Variants in RFFL observed in about 807,000 individuals in gnomAD.
The protein encoded by RFFL is E3 ubiquitin-protein ligase rififylin.
RFFL carries 16 observed loss-of-function variants against 40.4 expected under a neutral mutation model. The ratio of observed to expected loss-of-function variants is 0.40; its 90% CI spans 0.27 to 0.60. The LOEUF is 0.60. Among genes scored for constraint, RFFL ranks in the 20% least tolerant of loss-of-function variants. The pLI is 0.47. For missense variants in RFFL, 367 were observed against 451.7 expected, an observed-to-expected ratio of 0.81 and a Z score of 1.70; for synonymous variants, 154 against 167.9, an observed-to-expected ratio of 0.92 and a Z score of 0.64.
At chr17:35,034,773 G>A (rs2091109604) in intron 1 of RFFL, among the ~76,000 whole-genome samples, 1 of 152,034 alleles carries the variant, frequency 6.6e-6, no homozygotes, top group South Asian at 2.1e-4. Flanking sequence ...TGATCCACCT[G>A]CCTTGGCCTC....
At chr17:35,017,049 C>T (rs901988769) in intron 4 of RFFL, among the ~76,000 whole-genome samples, 20 of 151,980 alleles carry the variant, frequency 1.3e-4, no homozygotes, top group African/African-American at 4.6e-4. Context: ...GGCCCTTCTC[C>T]CCTGGAGACT....
chr17:35,027,152 T>C (rs906691705), intron 1 of RFFL, among the ~76,000 whole-genome samples: 2 of 152,330 alleles, frequency 1.3e-5, no homozygotes, highest in East Asian at 3.9e-4. Flanking sequence ...CTTTTCCCTA[T>C]ACTATGTTGT....
At chr17:35,016,278 G>T in intron 5 of RFFL, 92 bp downstream of exon 5, 1 of 1,114,168 alleles carries the variant, frequency 9.0e-7, no homozygotes, top group East Asian at 2.4e-5. Context: ...TGGCTTAAGT[G>T]TGGAAATTGA....
At chr17:35,079,522 G>T (rs578095684) in intron 1 of RFFL, among the ~76,000 whole-genome samples, 2 of 152,184 alleles carry the variant, frequency 1.3e-5, no homozygotes, top group East Asian at 1.9e-4. Context: ...GCTGTGGTGA[G>T]GATTTTATCA....
Position 35,021,755 on chromosome 17 carries a change from A to C in RFFL, c.207T>G (p.Asn69Lys). The stretch of plus-strand genomic sequence containing the variant: ...CTTGGCTCGAACAGGTCATGCAAAA[A>C]TTTTTCTTACAGTCCAAGCAGGTCT... ...RKQTCLDCKKNFCMTCSSQVG... is the reference protein window; with the variant it reads ...RKQTCLDCKKKFCMTCSSQVG... Residue 69 changes from asparagine to lysine, a missense_variant, in exon 3 of 7, where the codon AAT becomes AAG. Transcript: ENST00000394597. The C allele has an allele frequency of 6.2e-7, 1 of 1,614,114 alleles. No homozygotes were observed.
rs568851030 is a variant in RFFL, at chr17:35,059,322, C to T, written c.-9+4254G>A. On this transcript the variant is annotated intron_variant, in intron 1 of 6. Coordinates refer to ENST00000394597, the MANE Select transcript of RFFL (RefSeq NM_001017368.2). ...GCATGAGCCACTGCGCTCGGCCACT[C>T]GATATAGGTTTATAAGTGATGAGAG... is the stretch of plus-strand genomic sequence containing the variant. Among the ~76,000 whole-genome samples the T allele has an allele frequency of 5.9e-5, 9 of 152,030 alleles. No individual in the cohort carries two copies. In the South Asian group the frequency reaches 1.5e-3, roughly 25 times the overall value.
chr17:35,049,163 A>C (rs2091217493), intron 1 of RFFL, among the ~76,000 whole-genome samples: 1 of 152,220 alleles, frequency 6.6e-6, no homozygotes, highest in African/African-American at 2.4e-5. Flanking sequence ...GATAGCAGAA[A>C]GGCATGTTGT....
At chr17:35,085,773 G>A (rs2091426385) in intron 1 of RFFL, among the ~76,000 whole-genome samples, 1 of 152,166 alleles carries the variant, frequency 6.6e-6, no homozygotes. Context: ...TTAAAAACAT[G>A]CAGGACTCTT....
At chr17:35,017,672 T>C in intron 3 of RFFL, 66 bp from the exon 4 acceptor site, 3 of 1,057,014 alleles carry the variant, frequency 2.8e-6, no homozygotes, top group Non-Finnish European at 4.3e-6. Flanking sequence ...CATGGGCCTC[T>C]TTTCAACTCA....
chr17:35,087,278 G>C (rs1282848415), intron 1 of RFFL, among the ~76,000 whole-genome samples: 1 of 151,976 alleles, frequency 6.6e-6, no homozygotes. Flanking sequence ...CTAAGCCTAG[G>C]AGGTCAAGGC....
intron 5 of RFFL, among the ~76,000 whole-genome samples, 194 bp downstream of exon 5, chr17:35,016,176 T>C (rs1344732594): frequency 6.6e-6 from 1 of 152,212 alleles, no homozygotes; most frequent in Non-Finnish European, 1.5e-5. Flanking sequence ...AAGGAATAAA[T>C]ACATACATGC....
At chr17:35,040,865 G>GGT (rs10578625) in intron 1 of RFFL, among the ~76,000 whole-genome samples, 1,973 of 63,808 alleles carry the variant, frequency 0.031, 85 homozygotes, top group African/African-American at 0.11. Flanking sequence ...TTTTTTTTTT[G>GGT]GTGTGTGTGT....
At chr17:35,067,456 C>CTTTTT (rs34727905), upstream of RFFL, among the ~76,000 whole-genome samples, 1 of 126,752 alleles carries the variant, frequency 7.9e-6, no homozygotes, top group Non-Finnish European at 1.6e-5. Context: ...TCTTCCAAGC[C>CTTTTT]TTTTTTTTTT....
chr17:35,022,207 G>C (rs1213505247), intron 2 of RFFL, among the ~76,000 whole-genome samples: 1 of 152,170 alleles, frequency 6.6e-6, no homozygotes, highest in East Asian at 1.9e-4. Flanking sequence ...AAATGGGGGT[G>C]ATAACAGTAT....
At chr17:35,045,799 G>A (rs535600075) in intron 1 of RFFL, among the ~76,000 whole-genome samples, 11 of 152,078 alleles carry the variant, frequency 7.2e-5, no homozygotes, top group African/African-American at 1.4e-4. Context: ...TGAAGCCGGC[G>A]GATCACCTGA....
intron 1 of RFFL, chr17:35,076,679 AAAT>A (rs60726343): frequency 0.098 from 13,467 of 137,050 alleles, 710 homozygotes; most frequent in Middle Eastern, 0.11. Context: ...ACTCCGTCTC[AAAT>A]AATAATAATA....
chr17:35,026,473 C>T lies in RFFL; in HGVS notation c.81G>A (p.Gln27=), dbSNP rs2091041615. The change falls in exon 2 of 7, where the codon CAG becomes CAA. Residue 27 remains glutamine, a synonymous_variant. Transcript: ENST00000394597. The part of the protein sequence containing the change: ...EVPPPQGARM[Q]AYSNPGYSSF... ...AGCTGTACCCAGGGTTGGAATAGGC[C>T]TGCATCCTGGCTCCCTGGGGTGGTG... 6.2e-7 allele frequency: 1 copy of T among 1,613,192 alleles called. No individual in the cohort carries two copies. The highest frequency in any genetic ancestry group is 1.7e-5 in the Admixed American group (1 of 59,690).
intron 1 of RFFL, among the ~76,000 whole-genome samples, chr17:35,031,222 T>G (rs985010032): frequency 6.6e-6 from 1 of 152,018 alleles, no homozygotes; most frequent in Admixed American, 6.5e-5. Context: ...TTTTCCTGCC[T>G]CAGCCTCCCG....
intron 1 of RFFL, among the ~76,000 whole-genome samples, chr17:35,059,713 G>C (rs1350396519): frequency 6.6e-6 from 1 of 152,074 alleles, no homozygotes; most frequent in African/African-American, 2.4e-5. Context: ...TTAAATCTTT[G>C]AAGTTCATGA....
Sources: gnomAD v4.1 joint callset for allele counts (sites outside exome capture counted in the v4.1 genomes callset) on GRCh38, gnomAD v4.1.1 for gene constraint, MANE v1.5 for transcripts, NCBI Gene and HGNC (gene_info 2026-07-23, HGNC 2026-07-21) for gene names.